Variants in PTPRS observed in about 807,000 individuals in gnomAD.
The protein encoded by PTPRS is protein tyrosine phosphatase receptor type S, also known as receptor-type tyrosine-protein phosphatase S.
PTPRS carries 63 observed loss-of-function variants against 215.3 expected under a neutral mutation model. The ratio of observed to expected loss-of-function variants is 0.29; its 90% CI spans 0.24 to 0.36. The LOEUF is 0.36. Ranked by LOEUF, PTPRS falls within the 10% of genes least tolerant of loss-of-function variation. The pLI is 1.00. For missense variants in PTPRS, 2,258 were observed against 2,825.8 expected (o/e 0.80, Z 4.56); for synonymous variants, 1,404 against 1,191.4 (o/e 1.18, Z -3.68).
At position 5,244,186 on chromosome 19, in the gene PTPRS, C is replaced by T. The variant is rs754224013; in HGVS notation, c.1285G>A (p.Ala429Thr). 78 of 1,600,070 alleles carry T rather than the reference C, an allele frequency of 4.9e-5. No homozygotes were observed. The highest frequency in any genetic ancestry group is 5.1e-5 in the Non-Finnish European group (60 of 1,172,418). ...ATCCGGGCTTGCACGTTCCGCGGCGCGCTGGCCGGGGCCTGCTCGCCTGTG... is the reference window on the plus strand; with the variant it reads ...ATCCGGGCTTGCACGTTCCGCGGCGTGCTGGCCGGGGCCTGCTCGCCTGTG... The part of the protein sequence containing the change: ...TRTGEQAPAS[A>T]PRNVQARMLS... The change falls in exon 11 of 38, where the codon GCG (alanine) becomes ACG (threonine). Residue 429 changes from alanine to threonine, a missense_variant. This residue lies in a region of PTPRS where 508 missense variants were observed against 799.4 expected (regional missense o/e 0.64). Transcript: ENST00000262963. The surrounding 1 kb of genome is among the most constrained non-coding windows in gnomAD (Gnocchi z 7.2).
intron 30 of PTPRS, among the ~76,000 whole-genome samples, chr19:5,212,800 G>A (rs1351135662): frequency 5.3e-5 from 8 of 151,332 alleles, no homozygotes; most frequent in African/African-American, 1.7e-4. Flanking sequence ...CTGAGATGGC[G>A]CCACTGTACT....
At chr19:5,334,681 T>C (rs562101050) in intron 1 of PTPRS, among the ~76,000 whole-genome samples, 1 of 152,270 alleles carries the variant, frequency 6.6e-6, no homozygotes, top group Admixed American at 6.5e-5. Flanking sequence ...TGGACTGCTG[T>C]CCAAACAAAC....
intron 1 of PTPRS, among the ~76,000 whole-genome samples, chr19:5,298,695 G>A (rs1294846057): frequency 6.6e-6 from 1 of 152,230 alleles, no homozygotes; most frequent in African/African-American, 2.4e-5. Context: ...CAGCGGGCAT[G>A]ATGCCCACCA....
chr19:5,208,444 T>G (rs1599337169), intron 35 of PTPRS, 53 bp from the exon 36 acceptor site: 2 of 1,410,914 alleles, frequency 1.4e-6, no homozygotes, highest in Non-Finnish European at 1.9e-6. Context: ...GCCATGGGGG[T>G]TTTTCTCCAT....
rs76922960 is a variant in PTPRS at position 5,326,890 on chromosome 19, G to A, written c.-95+13774C>T. Among the ~76,000 whole-genome samples, 165 of 152,236 alleles carry A rather than the reference G, an allele frequency of 1.1e-3. 2 individuals are homozygous for A. In the East Asian group the frequency reaches 0.031, roughly 29 times the overall value. On this transcript the variant is annotated intron_variant, in intron 1 of 37. Transcript: ENST00000262963. ...AAGAAGGAATGAAGCAAGCAAGCTA[G>A]CTAGTCCTTAGGCGATGGGGCAGCA... is the stretch of plus-strand genomic sequence containing the variant.
chr19:5,320,698 T>C (rs1386392906), intron 1 of PTPRS, among the ~76,000 whole-genome samples: 2 of 151,804 alleles, frequency 1.3e-5, no homozygotes, highest in African/African-American at 4.8e-5. Context: ...AGTGCTGGGA[T>C]TACAGGCGTG....
chr19:5,252,283 C>T (rs910482161), intron 9 of PTPRS, among the ~76,000 whole-genome samples: 1 of 152,154 alleles, frequency 6.6e-6, no homozygotes, highest in Non-Finnish European at 1.5e-5. Flanking sequence ...CAAGGTAGAA[C>T]ATTGCTCAAC....
At position 5,264,275 on chromosome 19, in the gene PTPRS, T is replaced by C. The variant is rs78452726; in HGVS notation, c.568+733A>G. ...TGCCATTGCCTTACACAGCTTCCACTACTCCTGCCTGTCTGGGCCCCACTG... is the reference window on the plus strand; with the variant it reads ...TGCCATTGCCTTACACAGCTTCCACCACTCCTGCCTGTCTGGGCCCCACTG... On this transcript the variant is annotated intron_variant, in intron 5 of 37. Transcript: ENST00000262963. 3.2e-3 allele frequency among the ~76,000 whole-genome samples: 491 copies of C among 152,280 alleles called. 2 individuals carry two copies. The highest frequency in any genetic ancestry group is 0.011 in the African/African-American group (477 of 41,578).
chr19:5,256,224 G>C, intron 8 of PTPRS, 105 bp from the exon 9 acceptor site: 1 of 839,462 alleles, frequency 1.2e-6, no homozygotes, highest in Non-Finnish European at 1.7e-6. Context: ...AAGGCTAAAA[G>C]CTGCAATAGT....
chr19:5,225,231 T>C (rs2042375600), intron 17 of PTPRS, among the ~76,000 whole-genome samples: 1 of 151,116 alleles, frequency 6.6e-6, no homozygotes, highest in Admixed American at 6.6e-5. Flanking sequence ...GGAAGACAGG[T>C]GCACCACCCT....
chr19:5,336,670 T>G (rs532369068), intron 1 of PTPRS, among the ~76,000 whole-genome samples: 14 of 152,216 alleles, frequency 9.2e-5, no homozygotes, highest in African/African-American at 3.4e-4. Flanking sequence ...TTGGTTTTTT[T>G]GTTTTGTTTT....
chr19:5,322,900 AGAAG>A (rs1255524403), intron 1 of PTPRS, among the ~76,000 whole-genome samples: 12,196 of 116,072 alleles, frequency 0.11, 619 homozygotes, highest in Admixed American at 0.15. Flanking sequence ...AAAAAAAAAA[AGAAG>A]AAGAAGAAGA....
At chr19:5,263,878 G>C (rs2046210035) in intron 5 of PTPRS, among the ~76,000 whole-genome samples, 1 of 152,218 alleles carries the variant, frequency 6.6e-6, no homozygotes, top group South Asian at 2.1e-4. Flanking sequence ...ACAGCAGCCA[G>C]GCCTGCACAC....
At chr19:5,212,949 C>A (rs974204883) in intron 30 of PTPRS, among the ~76,000 whole-genome samples, 1 of 152,074 alleles carries the variant, frequency 6.6e-6, no homozygotes, top group Non-Finnish European at 1.5e-5. Context: ...CTTGCGGACG[C>A]CTCACACACA....
chr19:5,310,801 G>A (rs531358660), intron 1 of PTPRS, among the ~76,000 whole-genome samples: 6 of 152,190 alleles, frequency 3.9e-5, no homozygotes, highest in African/African-American at 1.2e-4. Flanking sequence ...GAACTCCTCA[G>A]CTCAAGTGAT....
chr19:5,225,815 C>G lies in PTPRS; in HGVS notation c.2406G>C (p.Glu802Asp), dbSNP rs747172851. ...YEMVITNLQP[E>D]TAYSITVAAY... The stretch of plus-strand genomic sequence containing the variant: ...CGGCTACCGTGATGGAGTACGCGGT[C>G]TCAGGCTGCAAGTTTGTGATGACCA... The change falls in exon 17 of 38, where the codon GAG (glutamate) becomes GAC (aspartate). Residue 802 changes from glutamate to aspartate, a missense_variant. Glu to Asp is a conservative substitution (Grantham distance 45). Around this residue, in one of 6 missense-constraint regions of PTPRS, gnomAD observed 371 missense variants for 446.7 expected, o/e 0.83. Transcript: ENST00000262963. 16 of 1,613,862 alleles carry G rather than the reference C, an allele frequency of 9.9e-6. No individual in the cohort carries two copies. Among genetic ancestry groups the G allele is most frequent in the Middle Eastern group, 1.6e-4 (1 of 6,082 alleles).
chr19:5,292,845 G>A (rs1236018279), intron 1 of PTPRS: 1 of 152,280 alleles, frequency 6.6e-6, no homozygotes, highest in Non-Finnish European at 1.5e-5. Context: ...CGGGAGGTGG[G>A]GGAGGAGAGG....
chr19:5,223,431 C>T, intron 17 of PTPRS, 134 bp from the exon 18 acceptor site: 1 of 1,138,496 alleles, frequency 8.8e-7, no homozygotes, highest in South Asian at 2.1e-5. Flanking sequence ...TACTCTGTTG[C>T]CCAGCCTGGA....
intron 9 of PTPRS, among the ~76,000 whole-genome samples, chr19:5,248,100 T>G: frequency 6.9e-6 from 1 of 145,920 alleles, no homozygotes; most frequent in South Asian, 2.2e-4. Context: ...GAGAATGGGG[T>G]CCGGCCAGCC....
Sources: gnomAD v4.1 joint callset for allele counts (sites outside exome capture counted in the v4.1 genomes callset) on GRCh38, gnomAD v4.1.1 for gene constraint, gnomAD v4.1.1 regional missense constraint, Gnocchi (gnomAD v3.1) non-coding constraint, MANE v1.5 for transcripts, NCBI Gene and HGNC (gene_info 2026-07-23, HGNC 2026-07-21) for gene names.